SFMBT1: variants seen among roughly 807,000 people sequenced by gnomAD.
SFMBT1 encodes scm-like with four MBT domains protein 1.
Under a neutral mutation model 108.7 loss-of-function variants are expected in SFMBT1, and 32 were observed. The ratio of observed to expected loss-of-function variants is 0.29; its 90% CI spans 0.22 to 0.40. SFMBT1 has a LOEUF of 0.40. SFMBT1 is among the 10% of genes least tolerant of loss of function. The pLI is 1.00. For missense variants in SFMBT1, 816 were observed against 1,059.6 expected, an observed-to-expected ratio of 0.77 and a Z score of 3.19; for synonymous variants, 348 against 369.5, an observed-to-expected ratio of 0.94 and a Z score of 0.67.
intron 3 of SFMBT1, among the ~76,000 whole-genome samples, chr3:52,953,253 C>A (rs565388417): frequency 6.6e-6 from 1 of 152,222 alleles, no homozygotes; most frequent in East Asian, 1.9e-4. Flanking sequence ...ATTGTTTAAG[C>A]CCAGGAGTTT....
chr3:53,035,000 G>GT (rs1337163031), intron 1 of SFMBT1, among the ~76,000 whole-genome samples: 1 of 152,218 alleles, frequency 6.6e-6, no homozygotes, highest in Non-Finnish European at 1.5e-5. Context: ...AGCGGTCCAT[G>GT]TGAGACTGAC....
chr3:52,973,774 G>T (rs1272236301), intron 1 of SFMBT1, among the ~76,000 whole-genome samples: 1 of 152,078 alleles, frequency 6.6e-6, no homozygotes, highest in African/African-American at 2.4e-5. Context: ...GGGATTACAG[G>T]CATGAGCTAC....
intron 1 of SFMBT1, among the ~76,000 whole-genome samples, chr3:53,041,493 T>G (rs776212655): frequency 4.4e-4 from 67 of 150,964 alleles, no homozygotes; most frequent in Non-Finnish European, 6.6e-4. Flanking sequence ...AGATCAGGAG[T>G]TCAAGACTAG....
At chr3:52,942,513 T>C (rs758025458) in intron 4 of SFMBT1, among the ~76,000 whole-genome samples, 5 of 152,188 alleles carry the variant, frequency 3.3e-5, no homozygotes, top group South Asian at 2.1e-4. Context: ...ACCAAAAGTC[T>C]GGTATTTTCT....
intron 3 of SFMBT1, among the ~76,000 whole-genome samples, chr3:52,952,187 T>C (rs1458135210): frequency 1.3e-5 from 2 of 151,968 alleles, no homozygotes; most frequent in Non-Finnish European, 2.9e-5. Context: ...TGAAACCCCA[T>C]CTCTACTAAA....
chr3:52,934,860 G>C lies in SFMBT1; in HGVS notation c.406C>G (p.Gln136Glu). 6.2e-7 allele frequency: 1 copy of C among 1,613,672 alleles called. No individual in the cohort carries two copies. The highest frequency in any genetic ancestry group is 8.5e-7 in the Non-Finnish European group (1 of 1,179,794). ...GGACTACATGCTCCTATCAGGGTCT[G>C]CCGCAGAAACTCATCCCAGTCAGAT... ...KVSDWDEFLR[Q>E]TLIGACSPPV... The change falls in exon 5 of 21, where the codon CAG becomes GAG. Residue 136 changes from glutamine (Q) to glutamate (E), a missense_variant. By Grantham distance (29) the Gln-to-Glu change is conservative. Transcript: ENST00000394752.
Position 52,949,450 on chromosome 3 carries a change from T to C in SFMBT1, c.123+4867A>G, listed in dbSNP as rs1339013349. On this transcript the variant is annotated intron_variant, in intron 3 of 20. Coordinates refer to ENST00000394752, the MANE Select transcript of SFMBT1 (RefSeq NM_016329.4). ...AATATTGAATCCATTTGTTTCTCCATGCAGTTCTACCAGGTTTTGACTTGC... is the reference window on the plus strand; with the variant it reads ...AATATTGAATCCATTTGTTTCTCCACGCAGTTCTACCAGGTTTTGACTTGC... Among the ~76,000 whole-genome samples, 6 of 152,154 alleles carry C rather than the reference T, an allele frequency of 3.9e-5. No homozygotes were observed. In the East Asian group the frequency reaches 9.6e-4, roughly 24 times the overall value.
intron 8 of SFMBT1, 180 bp from the exon 9 acceptor site, chr3:52,928,521 C>G: frequency 1.8e-6 from 1 of 542,338 alleles, no homozygotes; most frequent in South Asian, 2.4e-5. Context: ...AAATGCTTTT[C>G]ATGTATCAAT....
At chr3:52,968,754 C>T (rs150957990) in intron 2 of SFMBT1, among the ~76,000 whole-genome samples, 79 of 152,162 alleles carry the variant, frequency 5.2e-4, no homozygotes, top group South Asian at 2.1e-4. Context: ...CCACACCCAG[C>T]TAATTGTTTG....
In SFMBT1 at chr3:52,909,752, T is replaced by C. The variant is rs149490796; in HGVS notation, c.1906+1251A>G. Reference sequence around the variant, plus strand: ...TTGTAGGATTTAAGGAAAGGTAGGATCAGAATTTTGTCTTTGGGTGGCAAT... The same window carrying C: ...TTGTAGGATTTAAGGAAAGGTAGGACCAGAATTTTGTCTTTGGGTGGCAAT... On this transcript the variant is annotated intron_variant, in intron 17 of 20. Transcript: ENST00000394752. 4.4e-3 allele frequency among the ~76,000 whole-genome samples: 672 copies of C among 152,328 alleles called. 2 individuals are homozygous for C. The highest frequency in any genetic ancestry group is 5.7e-3 in the Non-Finnish European group (387 of 68,024).
chr3:53,003,756 G>C (rs1281799890), intron 1 of SFMBT1, among the ~76,000 whole-genome samples: 1 of 75,236 alleles, frequency 1.3e-5, no homozygotes, highest in Non-Finnish European at 3.0e-5. Context: ...ACCATAGAAA[G>C]GTCAAAAAAA....
rs192844635 is a variant in SFMBT1 at position 52,912,718 on chromosome 3, C to G, written c.1621-71G>C. ...GCAGACCATTAGAATCTTGTCATCT[C>G]TTCCTTAAAATGTTAAGATTATTTA... On this transcript the variant is annotated intron_variant, in intron 15 of 20. Transcript: ENST00000394752. 1.1e-5 allele frequency: 12 copies of G among 1,109,594 alleles called. No individual in the cohort carries two copies. In the Admixed American group the frequency reaches 1.3e-4, roughly 12 times the overall value. The allele number at this position is 1,109,594 out of a possible 1,614,324, so 68.7% of individuals were successfully genotyped here. A position where few individuals can be genotyped will look rare whatever the true frequency, so the allele number is the denominator to read the frequency against.
chr3:53,009,885 A>G (rs1436583318), intron 1 of SFMBT1, among the ~76,000 whole-genome samples: 1 of 152,226 alleles, frequency 6.6e-6, no homozygotes, highest in Non-Finnish European at 1.5e-5. Flanking sequence ...GGATTATCAT[A>G]AAGGTTTTCA....
chr3:52,915,819 A>G (rs1702331186), intron 14 of SFMBT1, among the ~76,000 whole-genome samples: 1 of 152,198 alleles, frequency 6.6e-6, no homozygotes, highest in South Asian at 2.1e-4. Context: ...CTACCTCTCA[A>G]CCATCTAGCT....
intron 12 of SFMBT1, 147 bp downstream of exon 12, chr3:52,920,390 T>G (rs1434306035): frequency 1.4e-6 from 1 of 692,766 alleles, no homozygotes; most frequent in African/African-American, 1.8e-5. Flanking sequence ...TATTAAATAT[T>G]TGTTACAATA....
intron 10 of SFMBT1, among the ~76,000 whole-genome samples, chr3:52,924,540 G>A (rs1425554430): frequency 6.6e-6 from 1 of 152,092 alleles, no homozygotes; most frequent in Non-Finnish European, 1.5e-5. Context: ...TACTCAGGAG[G>A]GTGAGGCAGG....
intron 1 of SFMBT1, among the ~76,000 whole-genome samples, chr3:53,002,591 TG>T (rs921743585): frequency 1.3e-5 from 2 of 149,882 alleles, no homozygotes; most frequent in Non-Finnish European, 3.0e-5. Context: ...TGAACTGTAA[TG>T]AATAACGAGC....
Position 52,920,179 on chromosome 3 carries a change from G to T in SFMBT1, c.1372+358C>A, listed in dbSNP as rs566963702. ...GTTATTTATAAACTTCCCAGTGTAT[G>T]GTATTTTGTTACAGCAGCTAGAATG... On this transcript the variant is annotated intron_variant, in intron 12 of 20. Coordinates refer to ENST00000394752, the MANE Select transcript of SFMBT1 (RefSeq NM_016329.4). Among the ~76,000 whole-genome samples the T allele has an allele frequency of 8.6e-4, 131 of 152,272 alleles. 1 individual carries two copies. The highest frequency in any genetic ancestry group is 3.4e-3 in the Middle Eastern group (1 of 294).
At chr3:53,027,950 A>G (rs921027193) in intron 1 of SFMBT1, among the ~76,000 whole-genome samples, 1 of 152,234 alleles carries the variant, frequency 6.6e-6, no homozygotes, top group African/African-American at 2.4e-5. Context: ...TTAGCGTTCC[A>G]GTAATGGAAC....
Sources: gnomAD v4.1 joint callset for allele counts (sites outside exome capture counted in the v4.1 genomes callset) on GRCh38, gnomAD v4.1.1 for gene constraint, MANE v1.5 for transcripts, NCBI Gene and HGNC (gene_info 2026-07-23, HGNC 2026-07-21) for gene names.